The following CORO2B variants were observed in gnomAD, a reference collection of about 807,000 sequenced individuals.
CORO2B encodes coronin 2B.
CORO2B carries 26 observed loss-of-function variants against 58.8 expected under a neutral mutation model. The ratio of observed to expected loss-of-function variants is 0.44; its 90% CI spans 0.32 to 0.61. The LOEUF is 0.61. Ranked by LOEUF, CORO2B falls within the 20% of genes least tolerant of loss-of-function variation. The pLI is 0.04. For missense variants in CORO2B, 460 were observed against 645.1 expected, an observed-to-expected ratio of 0.71 and a Z score of 3.11; for synonymous variants, 242 against 253.8, an observed-to-expected ratio of 0.95 and a Z score of 0.44.
chr15:68,668,052 G>A (rs553995600), intron 2 of CORO2B, among the ~76,000 whole-genome samples: 4 of 152,324 alleles, frequency 2.6e-5, no homozygotes, highest in Non-Finnish European at 4.4e-5. Flanking sequence ...CTCTTGAGAC[G>A]CCTGGTGCCA....
chr15:68,716,912 G>A (rs193219637), intron 8 of CORO2B, among the ~76,000 whole-genome samples: 119 of 152,212 alleles, frequency 7.8e-4, no homozygotes, highest in South Asian at 2.7e-3. Flanking sequence ...ATTAGCCTGG[G>A]AAAGGAGTTT....
intron 1 of CORO2B, among the ~76,000 whole-genome samples, chr15:68,644,871 C>T (rs971425128): frequency 5.9e-5 from 9 of 152,144 alleles, no homozygotes; most frequent in Non-Finnish European, 1.3e-4. Flanking sequence ...TAAAAGGACC[C>T]TACAACCTTT....
chr15:68,579,209 G>A lies in CORO2B; in HGVS notation c.-54G>A. ...CCTTCCGCCGCCGCCCCGGGCCGCC[G>A]CCGCCGCCCCCGCACGCCGCGCCCG... is the stretch of plus-strand genomic sequence containing the variant. On this transcript the variant is annotated 5_prime_UTR_variant, in exon 1 of 12. Transcript: ENST00000261861. 2 of 1,023,550 alleles carry A rather than the reference G, an allele frequency of 2.0e-6. No individual in the cohort carries two copies. The highest frequency in any genetic ancestry group is 9.1e-5 in the East Asian group (1 of 11,010). The allele number at this position is 1,023,550 out of a possible 1,614,324, so 63.4% of individuals were successfully genotyped here. A position where few individuals can be genotyped will look rare whatever the true frequency, so the allele number is the denominator to read the frequency against.
chr15:68,693,473 C>G (rs1892435092), intron 2 of CORO2B, among the ~76,000 whole-genome samples: 1 of 152,218 alleles, frequency 6.6e-6, no homozygotes, highest in African/African-American at 2.4e-5. Flanking sequence ...CACCTACCCA[C>G]TGTTAGCAGA....
intron 3 of CORO2B, among the ~76,000 whole-genome samples, chr15:68,697,079 G>A (rs1892529238): frequency 1.3e-5 from 2 of 152,208 alleles, no homozygotes; most frequent in African/African-American, 2.4e-5. Flanking sequence ...TGCTTAGTAG[G>A]TGTTGGATGG....
chr15:68,520,064 T>G, the CORO2B span, among the ~76,000 whole-genome samples: 42,623 of 152,134 alleles, frequency 0.28, 6,650 homozygotes, highest in African/African-American at 0.41. Flanking sequence ...TTATTTTCAA[T>G]CATCTAGTAA....
chr15:68,623,582 C>G (rs946422816), intron 1 of CORO2B, among the ~76,000 whole-genome samples: 3 of 151,184 alleles, frequency 2.0e-5, no homozygotes, highest in Non-Finnish European at 4.4e-5. Flanking sequence ...CAGGAGTCAT[C>G]TCAGGGCAGT....
chr15:68,539,611 G>A, the CORO2B span, among the ~76,000 whole-genome samples: 3 of 152,198 alleles, frequency 2.0e-5, no homozygotes, highest in Admixed American at 6.5e-5. Context: ...GGAGGCTGAG[G>A]CTGCAGTGAG....
chr15:68,597,064 CAGA>C (rs1899849879), intron 1 of CORO2B, among the ~76,000 whole-genome samples: 1 of 152,112 alleles, frequency 6.6e-6, no homozygotes, highest in Non-Finnish European at 1.5e-5. Context: ...GTATTTTGAG[CAGA>C]AGCATATATA....
At chr15:68,612,330 C>T (rs929739241) in intron 1 of CORO2B, among the ~76,000 whole-genome samples, 1 of 152,204 alleles carries the variant, frequency 6.6e-6, no homozygotes, top group African/African-American at 2.4e-5. Context: ...AAATGATGAT[C>T]GTAAGGACAA....
intron 2 of CORO2B, among the ~76,000 whole-genome samples, chr15:68,680,952 G>A (rs767737727): frequency 4.6e-5 from 7 of 152,178 alleles, no homozygotes; most frequent in South Asian, 2.1e-4. Flanking sequence ...GGTGGCTCAC[G>A]CCTGTAATAC....
chr15:68,695,057 C>T, intron 2 of CORO2B, 83 bp from the exon 3 acceptor site: 1 of 1,024,854 alleles, frequency 9.8e-7, no homozygotes, highest in East Asian at 2.4e-5. Flanking sequence ...GTTGAGAGGC[C>T]CAGAAAAAAG....
At chr15:68,581,067 C>T (rs1315613009) in intron 1 of CORO2B, among the ~76,000 whole-genome samples, 4 of 152,182 alleles carry the variant, frequency 2.6e-5, no homozygotes, top group African/African-American at 9.7e-5. Context: ...TACTGGGGGA[C>T]TTCCATGGTA....
chr15:68,620,061 G>A (rs1900474010), intron 1 of CORO2B, among the ~76,000 whole-genome samples: 1 of 151,990 alleles, frequency 6.6e-6, no homozygotes, highest in Non-Finnish European at 1.5e-5. Context: ...ACAGGCGCAC[G>A]CCACAACACC....
chr15:68,525,615 A>G, the CORO2B span, among the ~76,000 whole-genome samples: 1 of 152,232 alleles, frequency 6.6e-6, no homozygotes, highest in Non-Finnish European at 1.5e-5. Flanking sequence ...TCTCAAATTC[A>G]GCCTAATTCA....
At chr15:68,545,618 G>GGGGC in the CORO2B span, among the ~76,000 whole-genome samples, 1 of 149,746 alleles carries the variant, frequency 6.7e-6, no homozygotes, top group Non-Finnish European at 1.5e-5. Flanking sequence ...GGGGCGGGGG[G>GGGGC]GGTAATACTG....
chr15:68,676,884 C>T (rs989653912), intron 2 of CORO2B, among the ~76,000 whole-genome samples: 13 of 152,120 alleles, frequency 8.5e-5, no homozygotes, highest in African/African-American at 2.9e-4. Context: ...GACCCTCCCA[C>T]ATCAGCCTCC....
chr15:68,654,772 T>C (rs1901751193), intron 2 of CORO2B, among the ~76,000 whole-genome samples: 1 of 152,340 alleles, frequency 6.6e-6, no homozygotes, highest in Admixed American at 6.5e-5. Context: ...CCAAGGACTG[T>C]TACCCATCTC....
chr15:68,718,594 TA>T, intron 8 of CORO2B, 103 bp from the exon 9 acceptor site: 1 of 1,010,878 alleles, frequency 9.9e-7, no homozygotes, highest in Non-Finnish European at 1.5e-6. Flanking sequence ...CCTCCAAACC[TA>T]AGTACATTCC....
Sources: allele counts gnomAD v4.1 joint callset (sites outside exome capture counted in the v4.1 genomes callset), GRCh38; gene constraint gnomAD v4.1.1; transcripts MANE v1.5; gene names NCBI Gene and HGNC (gene_info 2026-07-23, HGNC 2026-07-21).